SEMA6A: variants seen among roughly 807,000 people sequenced by gnomAD.
SEMA6A encodes the protein semaphorin 6A, also known as semaphorin-6A.
A neutral mutation model predicts 96.8 loss-of-function variants in SEMA6A; 25 were observed. The observed-to-expected ratio is 0.26, with a 90% CI of 0.19 to 0.36. The LOEUF (loss-of-function observed/expected upper bound fraction) is 0.36, where lower values mean the gene tolerates loss of function less well. Ranked by LOEUF, SEMA6A falls within the 10% of genes least tolerant of loss-of-function variation. SEMA6A has a pLI of 1.00. For synonymous variants in SEMA6A, 612 were observed against 518.0 expected, an observed-to-expected ratio of 1.18 and a Z score of -2.46; for missense variants, 1,363 against 1,323.1, an observed-to-expected ratio of 1.03 and a Z score of -0.47.
At position 116,494,042 on chromosome 5, in the gene SEMA6A, A is replaced by T. The variant is rs78880495; in HGVS notation, c.444+1371T>A. Among the ~76,000 whole-genome samples, 183 of 152,228 alleles carry T rather than the reference A, an allele frequency of 1.2e-3. 1 individual carries two copies. Among genetic ancestry groups the T allele is most frequent in the African/African-American group, 4.1e-3 (171 of 41,530 alleles). On this transcript the variant is annotated intron_variant, in intron 6 of 18. Transcript: ENST00000343348. ...CCATCTACTCGCCAAGAGATGGCCT[A>T]GCAGTCATTCTTGACTCACCTCTCT...
At position 116,446,266 on chromosome 5, in the gene SEMA6A, GTGT is replaced by G; in HGVS notation, c.*344_*346del. ...GTGTGTGTGTATGTGTTGTGTGCAT[GTGT>G]GTGTGTGTGTGTGTGTGGGGGTGGG... On this transcript the variant is annotated 3_prime_UTR_variant, in exon 19 of 19. Transcript: ENST00000343348. 6.6e-4 allele frequency: 1 copy of G among 1,516 alleles called. No homozygotes were observed. The allele number at this position is 1,516 out of a possible 1,614,324, so 0.1% of individuals were successfully genotyped here. A position where few individuals can be genotyped will look rare whatever the true frequency, so the allele number is the denominator to read the frequency against.
At chr5:116,522,628 A>G (rs1356549328) in intron 1 of SEMA6A, among the ~76,000 whole-genome samples, 1 of 152,250 alleles carries the variant, frequency 6.6e-6, no homozygotes. Context: ...GCCACAGTGC[A>G]GTCTAACACA....
intron 1 of SEMA6A, among the ~76,000 whole-genome samples, chr5:116,573,927 G>A (rs891236352): frequency 6.7e-6 from 1 of 149,396 alleles, no homozygotes; most frequent in African/African-American, 2.5e-5. Context: ...GGGCGGCGCC[G>A]GGCGTGTGCG....
chr5:116,556,320 A>C (rs143316153), intron 1 of SEMA6A, among the ~76,000 whole-genome samples: 208 of 152,326 alleles, frequency 1.4e-3, no homozygotes, highest in African/African-American at 4.7e-3. Flanking sequence ...TGGCAGAAAG[A>C]TTCATCTGGA....
Position 116,480,154 on chromosome 5 carries a change from G to A in SEMA6A, c.1218C>T (p.Phe406=), listed in dbSNP as rs1756677543. Residue 406 remains phenylalanine (F), a synonymous_variant, in exon 12 of 19, where the codon TTC becomes TTT. Coordinates refer to ENST00000343348, the MANE Select transcript of SEMA6A (RefSeq NM_020796.5). ...PLMDEAVPSI[F]NRPWFLRTMV... ...TTGTTCTCAGGAACCATGGCCTGTT[G>A]AAGATGGAGGGCACTGCCTCATCCA... 1.2e-6 allele frequency: 2 copies of A among 1,613,836 alleles called. No individual in the cohort carries two copies. Among genetic ancestry groups the A allele is most frequent in the African/African-American group, 2.7e-5 (2 of 75,046 alleles).
chr5:116,507,766 A>T (rs1042486619), intron 1 of SEMA6A, among the ~76,000 whole-genome samples: 1 of 152,220 alleles, frequency 6.6e-6, no homozygotes, highest in African/African-American at 2.4e-5. Context: ...CATTTACTTC[A>T]TAAGTAAGCC....
At chr5:116,533,851 G>C (rs1187507707) in intron 1 of SEMA6A, among the ~76,000 whole-genome samples, 1 of 152,146 alleles carries the variant, frequency 6.6e-6, no homozygotes, top group Non-Finnish European at 1.5e-5. Flanking sequence ...TCTCCACTTA[G>C]GTCCATGGCT....
At chr5:116,464,667 G>T (rs531206617) in intron 18 of SEMA6A, among the ~76,000 whole-genome samples, 4 of 152,250 alleles carry the variant, frequency 2.6e-5, no homozygotes, top group African/African-American at 9.6e-5. Context: ...AGCAGAAGGG[G>T]GTTAGGCTGC....
chr5:116,493,361 T>C (rs958278309), intron 6 of SEMA6A, among the ~76,000 whole-genome samples: 1 of 152,192 alleles, frequency 6.6e-6, no homozygotes, highest in East Asian at 1.9e-4. Context: ...TGAAACCTTA[T>C]CTGTATGCTG....
At chr5:116,480,987 C>A (rs1474407688) in intron 11 of SEMA6A, among the ~76,000 whole-genome samples, 1 of 152,154 alleles carries the variant, frequency 6.6e-6, no homozygotes, top group Non-Finnish European at 1.5e-5. Flanking sequence ...ACACTGAAAC[C>A]CATCTTGTCC....
At chr5:116,491,122 G>T (rs1561493116) in intron 7 of SEMA6A, among the ~76,000 whole-genome samples, 2 of 152,164 alleles carry the variant, frequency 1.3e-5, no homozygotes, top group Admixed American at 1.3e-4. Context: ...TATTTGAGAA[G>T]ATGTTTGTTG....
At chr5:116,503,885 T>G (rs954748419) in intron 2 of SEMA6A, among the ~76,000 whole-genome samples, 1 of 152,186 alleles carries the variant, frequency 6.6e-6, no homozygotes, top group African/African-American at 2.4e-5. Flanking sequence ...TAAATGTTTA[T>G]TAAGTTTGGA....
intron 1 of SEMA6A, chr5:116,562,854 C>A: frequency 1.5e-6 from 1 of 659,218 alleles, no homozygotes; most frequent in Admixed American, 1.9e-5. Flanking sequence ...AAACACCGGG[C>A]CACAGGAGGA....
intron 7 of SEMA6A, among the ~76,000 whole-genome samples, chr5:116,491,046 C>G (rs1381612656): frequency 6.6e-6 from 1 of 152,142 alleles, no homozygotes; most frequent in African/African-American, 2.4e-5. Flanking sequence ...AAGCAATTAG[C>G]ACCCTCCCCT....
chr5:116,478,984 T>C (rs947434214), intron 12 of SEMA6A, among the ~76,000 whole-genome samples: 6 of 151,436 alleles, frequency 4.0e-5, no homozygotes, highest in Non-Finnish European at 8.8e-5. Flanking sequence ...AGTACTATAA[T>C]AGCCAAAACC....
rs756101391 is a variant in SEMA6A, at chr5:116,447,679, T to C, written c.2027A>G (p.His676Arg). The C allele has an allele frequency of 7.4e-6, 12 of 1,613,990 alleles. No homozygotes were observed. The highest frequency in any genetic ancestry group is 9.3e-6 in the Non-Finnish European group (11 of 1,179,890). Residue 676 changes from histidine (H) to arginine (R), a missense_variant, in exon 19 of 19, where the codon CAT becomes CGT. Coordinates refer to ENST00000343348, the MANE Select transcript of SEMA6A (RefSeq NM_020796.5). ...SGITVYCVCDHRRKDVAVVQR... is the reference protein window; with the variant it reads ...SGITVYCVCDRRRKDVAVVQR... Reference sequence around the variant, plus strand: ...CACCACAGCCACGTCTTTGCGCCGATGATCACAGACGCAGTAGACGGTGAT... The same window carrying C: ...CACCACAGCCACGTCTTTGCGCCGACGATCACAGACGCAGTAGACGGTGAT...
intron 1 of SEMA6A, among the ~76,000 whole-genome samples, chr5:116,536,866 TAAAAA>T (rs72214884): frequency 1.2e-3 from 82 of 69,522 alleles, no homozygotes; most frequent in African/African-American, 2.9e-3. Flanking sequence ...TGTGATTTCT[TAAAAA>T]AAAAAAAAAA....
At chr5:116,540,120 T>G (rs1759894097) in intron 1 of SEMA6A, among the ~76,000 whole-genome samples, 1 of 152,234 alleles carries the variant, frequency 6.6e-6, no homozygotes, top group Non-Finnish European at 1.5e-5. Flanking sequence ...TTGATCTTTA[T>G]ATGCTCAGTC....
At chr5:116,456,057 A>G (rs1322009011) in intron 18 of SEMA6A, among the ~76,000 whole-genome samples, 1 of 152,210 alleles carries the variant, frequency 6.6e-6, no homozygotes, top group Non-Finnish European at 1.5e-5. Context: ...CCAAGATTAG[A>G]CTATTTTAAG....
Sources: allele counts gnomAD v4.1 joint callset (sites outside exome capture counted in the v4.1 genomes callset), GRCh38; gene constraint gnomAD v4.1.1; transcripts MANE v1.5; gene names NCBI Gene and HGNC (gene_info 2026-07-23, HGNC 2026-07-21).